Variants in ZMYM4 observed in about 807,000 individuals in gnomAD.
ZMYM4 encodes zinc finger MYM-type containing 4.
Under a neutral mutation model 183.2 loss-of-function variants are expected in ZMYM4, and 31 were observed. The ratio of observed to expected loss-of-function variants is 0.17; its 90% CI spans 0.13 to 0.23. The LOEUF (loss-of-function observed/expected upper bound fraction) is 0.23, where lower values mean the gene tolerates loss of function less well. Ranked by LOEUF, ZMYM4 falls within the 10% of genes least tolerant of loss-of-function variation. ZMYM4 has a pLI of 1.00. For synonymous variants in ZMYM4, 592 were observed against 631.2 expected (o/e 0.94, Z 0.93); for missense variants, 1,273 against 1,840.3 (o/e 0.69, Z 5.64).
Position 35,418,543 on chromosome 1 carries a change from C to G in ZMYM4, c.4410C>G (p.Val1470=), listed in dbSNP as rs767831973. 37 of 1,613,980 alleles carry G rather than the reference C, an allele frequency of 2.3e-5. No homozygotes were observed. In the African/African-American group the frequency reaches 4.3e-4, roughly 19 times the overall value. Reference sequence around the variant, plus strand: ...CTGACAATCCACTAAGATGCCCAGTCCGACTTTATGAGTTTTACCTGTCAA... The same window carrying G: ...CTGACAATCCACTAAGATGCCCAGTGCGACTTTATGAGTTTTACCTGTCAA... ...ENTDNPLRCP[V]RLYEFYLSKC... The change falls in exon 29 of 30, where the codon GTC becomes GTG. Residue 1470 remains valine (V), a synonymous_variant. Coordinates refer to ENST00000314607, the MANE Select transcript of ZMYM4 (RefSeq NM_005095.3).
intron 2 of ZMYM4, among the ~76,000 whole-genome samples, chr1:35,341,071 A>C (rs1182690880): frequency 6.6e-6 from 1 of 151,696 alleles, no homozygotes; most frequent in African/African-American, 2.4e-5. Context: ...ACATTCTATT[A>C]ATATATTTAT....
At chr1:35,375,675 G>A (rs576516631) in intron 7 of ZMYM4, among the ~76,000 whole-genome samples, 56 of 152,238 alleles carry the variant, frequency 3.7e-4, no homozygotes, top group Non-Finnish European at 7.8e-4. Context: ...TTAATTTTTG[G>A]TAATCATATC....
At chr1:35,299,499 A>G (rs576108528) in intron 1 of ZMYM4, among the ~76,000 whole-genome samples, 1 of 152,252 alleles carries the variant, frequency 6.6e-6, no homozygotes, top group African/African-American at 2.4e-5. Context: ...TACTTGGTGT[A>G]CACCCTTTGT....
At chr1:35,363,000 A>G (rs1214598436) in intron 5 of ZMYM4, among the ~76,000 whole-genome samples, 2 of 152,152 alleles carry the variant, frequency 1.3e-5, no homozygotes, top group African/African-American at 4.8e-5. Context: ...GTGAAATCCC[A>G]TCTCTACTAA....
At chr1:35,272,118 A>G (rs1050030095) in intron 1 of ZMYM4, among the ~76,000 whole-genome samples, 3 of 152,056 alleles carry the variant, frequency 2.0e-5, no homozygotes, top group Non-Finnish European at 4.4e-5. Context: ...TGTGGATTCC[A>G]TATGTATACT....
At chr1:35,353,680 A>C (rs1267161848) in intron 2 of ZMYM4, among the ~76,000 whole-genome samples, 1 of 152,216 alleles carries the variant, frequency 6.6e-6, no homozygotes, top group African/African-American at 2.4e-5. Context: ...GCTCTGAGAA[A>C]CAGAAACTGT....
chr1:35,302,638 G>A (rs1281372775), intron 1 of ZMYM4, among the ~76,000 whole-genome samples: 3 of 151,860 alleles, frequency 2.0e-5, no homozygotes, highest in East Asian at 3.9e-4. Flanking sequence ...GCCCTCCTCG[G>A]CCTTCCAAAA....
intron 1 of ZMYM4, among the ~76,000 whole-genome samples, chr1:35,283,398 C>T (rs555991816): frequency 9.7e-5 from 12 of 124,074 alleles, no homozygotes; most frequent in South Asian, 8.0e-4. Context: ...AGTGCAGTGG[C>T]GCAATCTCAG....
chr1:35,379,410 T>C (rs945856467), intron 7 of ZMYM4, among the ~76,000 whole-genome samples: 4 of 152,156 alleles, frequency 2.6e-5, no homozygotes, highest in Admixed American at 2.6e-4. Context: ...AAGTTTTGCA[T>C]TTTTTAGTAG....
chr1:35,322,970 G>A (rs1034508829), intron 1 of ZMYM4, among the ~76,000 whole-genome samples: 7 of 151,878 alleles, frequency 4.6e-5, no homozygotes, highest in East Asian at 3.9e-4. Context: ...GATTACAGGC[G>A]TGAGTCACCA....
At chr1:35,328,931 G>A (rs773948711) in intron 2 of ZMYM4, among the ~76,000 whole-genome samples, 51 of 152,082 alleles carry the variant, frequency 3.4e-4, no homozygotes, top group Non-Finnish European at 2.1e-4. Context: ...AATGTCTGGT[G>A]TAGCACTAGA....
chr1:35,284,273 G>T (rs912026854), intron 1 of ZMYM4, among the ~76,000 whole-genome samples: 3 of 152,206 alleles, frequency 2.0e-5, no homozygotes, highest in East Asian at 3.8e-4. Context: ...ACCGCGCCCG[G>T]CCAAAAGTTT....
At chr1:35,405,529 T>C in intron 25 of ZMYM4, 61 bp downstream of exon 25, 2 of 1,261,008 alleles carry the variant, frequency 1.6e-6, no homozygotes, top group Non-Finnish European at 2.2e-6. Context: ...GGATTTAAAT[T>C]TGTAAATTGA....
intron 5 of ZMYM4, among the ~76,000 whole-genome samples, chr1:35,363,049 G>A (rs1239750671): frequency 2.0e-5 from 3 of 152,196 alleles, no homozygotes; most frequent in African/African-American, 7.2e-5. Context: ...GCGGGTGCCT[G>A]TAATTCCAGC....
chr1:35,409,560 T>C (rs963529185), intron 26 of ZMYM4, among the ~76,000 whole-genome samples: 3 of 152,192 alleles, frequency 2.0e-5, no homozygotes, highest in African/African-American at 7.2e-5. Flanking sequence ...TTTTTGACCA[T>C]GTGTATACCT....
At chr1:35,377,946 C>A (rs949219154) in intron 7 of ZMYM4, among the ~76,000 whole-genome samples, 17 of 152,210 alleles carry the variant, frequency 1.1e-4, no homozygotes, top group African/African-American at 4.1e-4. Flanking sequence ...GGAATCAGTA[C>A]TCTCAGACTC....
At position 35,367,233 on chromosome 1, in the gene ZMYM4, TTA is replaced by T. The variant is rs1194817724; in HGVS notation, c.841-2795_841-2794del. Among the ~76,000 whole-genome samples, 258 of 151,944 alleles carry T rather than the reference TTA, an allele frequency of 1.7e-3. 2 individuals are homozygous for T. Among genetic ancestry groups the T allele is most frequent in the African/African-American group, 6.0e-3 (248 of 41,358 alleles). ...TACAATTAATTAATTTTTTTTTTTT[TTA>T]AAAGACAGAGTTTCACTCTTGTTGC... On this transcript the variant is annotated intron_variant, in intron 5 of 29. Transcript: ENST00000314607.
chr1:35,381,448 T>G lies in ZMYM4; in HGVS notation c.1356+15T>G, dbSNP rs1479235081. The G allele has an allele frequency of 6.2e-7, 1 of 1,604,464 alleles. No individual in the cohort carries two copies. The highest frequency in any genetic ancestry group is 8.5e-7 in the Non-Finnish European group (1 of 1,172,952). On this transcript the variant is annotated intron_variant, in intron 8 of 29. Coordinates refer to ENST00000314607, the MANE Select transcript of ZMYM4 (RefSeq NM_005095.3). ...AGAATGCTGTTGTAAGTTACCATTT[T>G]CCTTTATTGGGGCAGGAGTCTAATA... is the stretch of plus-strand genomic sequence containing the variant.
chr1:35,340,355 T>G (rs1481532522), intron 2 of ZMYM4, among the ~76,000 whole-genome samples: 1 of 152,094 alleles, frequency 6.6e-6, no homozygotes, highest in African/African-American at 2.4e-5. Context: ...GACCCAGGCG[T>G]CAGAGGGAGA....
Sources: gnomAD v4.1 joint callset for allele counts (sites outside exome capture counted in the v4.1 genomes callset) on GRCh38, gnomAD v4.1.1 for gene constraint, MANE v1.5 for transcripts, NCBI Gene and HGNC (gene_info 2026-07-23, HGNC 2026-07-21) for gene names.